The following CLCC1 variants were observed in gnomAD, a reference collection of about 807,000 sequenced individuals.
The protein encoded by CLCC1 is chloride channel CLIC like 1.
In CLCC1, 39 loss-of-function variants were observed where a neutral mutation model predicts 63.3. That is an observed-to-expected ratio of 0.62 (90% CI 0.48 to 0.81). The LOEUF is 0.81. Ranked by LOEUF, CLCC1 falls within the 30% of genes least tolerant of loss-of-function variation. CLCC1 has a pLI of 0.00. For synonymous variants in CLCC1, 217 were observed against 239.8 expected (o/e 0.90, Z 0.88); for missense variants, 549 against 669.4 (o/e 0.82, Z 1.98).
chr1:108,941,412 A>G lies in CLCC1; in HGVS notation c.789T>C (p.Ser263=). The G allele has an allele frequency of 1.2e-6, 2 of 1,613,836 alleles. No individual in the cohort carries two copies. Among genetic ancestry groups the G allele is most frequent in the South Asian group, 1.1e-5 (1 of 91,038 alleles). Residue 263 remains serine (S), a synonymous_variant, in exon 8 of 13, where the codon AGT becomes AGC. Transcript: ENST00000369969. Reference sequence around the variant, plus strand: ...AGTGCACAAACACCTTACCCCAGATACTTCCAGTCCAGTCCATCTTTTTGG... The same window carrying G: ...AGTGCACAAACACCTTACCCCAGATGCTTCCAGTCCAGTCCATCTTTTTGG... ...VCAKKMDWTG[S]IWEWFRSSWT...
intron 7 of CLCC1, 128 bp downstream of exon 7, chr1:108,943,347 C>T: frequency 1.2e-6 from 1 of 862,334 alleles, no homozygotes; most frequent in Non-Finnish European, 1.8e-6. Flanking sequence ...AATTCCTCTC[C>T]AGCGTGGGCC....
At chr1:108,953,306 G>A (rs528550052) in intron 2 of CLCC1, among the ~76,000 whole-genome samples, 2 of 152,136 alleles carry the variant, frequency 1.3e-5, no homozygotes, top group East Asian at 1.9e-4. Flanking sequence ...GCCATTTATC[G>A]GTCTGTCTCT....
chr1:108,930,026 T>A lies in CLCC1; in HGVS notation c.*2521A>T. The A allele has an allele frequency of 8.8e-7, 1 of 1,141,516 alleles. No individual in the cohort carries two copies. Among genetic ancestry groups the A allele is most frequent in the Non-Finnish European group, 1.3e-6 (1 of 776,350 alleles). 70.7% of individuals were successfully genotyped at this position (1,141,516 alleles called of 1,614,324 possible). ...TCCTTAAAAGGAGAATTTATAGCAC[T>A]GTAATACAGCTTAAAATATTTTTAG... On this transcript the variant is annotated 3_prime_UTR_variant, in exon 13 of 13. Transcript: ENST00000369969.
intron 3 of CLCC1, 127 bp from the exon 4 acceptor site, chr1:108,950,048 C>A (rs1260571740): frequency 7.3e-6 from 5 of 687,270 alleles, no homozygotes; most frequent in Non-Finnish European, 4.8e-6. Flanking sequence ...TTAAATTGTA[C>A]TGAACCACAA....
intron 2 of CLCC1, among the ~76,000 whole-genome samples, chr1:108,953,091 C>T (rs940929363): frequency 6.6e-6 from 1 of 152,132 alleles, no homozygotes; most frequent in Non-Finnish European, 1.5e-5. Context: ...TTTTTATCAT[C>T]GAAGAAAGTT....
At position 108,949,923 on chromosome 1, in the gene CLCC1, TA is replaced by T; in HGVS notation, c.130-3del. 6.5e-7 allele frequency: 1 copy of T among 1,542,512 alleles called. No homozygotes were observed. The highest frequency in any genetic ancestry group is 8.9e-7 in the Non-Finnish European group (1 of 1,127,960). On this transcript the variant is annotated splice_polypyrimidine_tract_variant and splice_region_variant and intron_variant, in intron 3 of 12. Coordinates refer to ENST00000369969, the MANE Select transcript of CLCC1 (RefSeq NM_001377458.1). ...TTCCCCTGAAATACCATATTTTGCC[TA>T]AAACAGAGTATAGAAACATTTTATT...
Position 108,930,699 on chromosome 1 carries a change from GC to G in CLCC1, c.*1847del, listed in dbSNP as rs994693701. On this transcript the variant is annotated 3_prime_UTR_variant, in exon 13 of 13. Coordinates refer to ENST00000369969, the MANE Select transcript of CLCC1 (RefSeq NM_001377458.1). The stretch of plus-strand genomic sequence containing the variant: ...AGGTCGGGAGTTTGAGACCAGCCTG[GC>G]CAACATAGTGAAACCCTGTCTCTAC... 3 of 152,000 alleles carry G rather than the reference GC, an allele frequency of 2.0e-5. No individual in the cohort carries two copies. The highest frequency in any genetic ancestry group is 2.9e-5 in the Non-Finnish European group (2 of 68,232). 9.4% of individuals were successfully genotyped at this position (152,000 alleles called of 1,614,324 possible).
intron 1 of CLCC1, among the ~76,000 whole-genome samples, chr1:108,962,809 T>C (rs1656828670): frequency 6.7e-6 from 1 of 149,658 alleles, no homozygotes; most frequent in South Asian, 2.1e-4. Flanking sequence ...AGGCGGAGGT[T>C]GCCGTGAGCG....
chr1:108,931,581 G>T lies in CLCC1; in HGVS notation c.*966C>A. Reference sequence around the variant, plus strand: ...TAGAACTATTTCTCTAATGGCCAATGTTTTTTAAGAGTCATAACCTGGAAT... The same window carrying T: ...TAGAACTATTTCTCTAATGGCCAATTTTTTTTAAGAGTCATAACCTGGAAT... On this transcript the variant is annotated 3_prime_UTR_variant, in exon 13 of 13. Transcript: ENST00000369969. The T allele has an allele frequency of 1.8e-5, 24 of 1,311,616 alleles. No individual in the cohort carries two copies. Among genetic ancestry groups the T allele is most frequent in the Admixed American group, 9.1e-5 (3 of 32,910 alleles). 81.2% of individuals were successfully genotyped at this position (1,311,616 alleles called of 1,614,324 possible).
At chr1:108,939,275 TATAG>T (rs1454936412) in intron 10 of CLCC1, among the ~76,000 whole-genome samples, 11 of 146,082 alleles carry the variant, frequency 7.5e-5, no homozygotes, top group South Asian at 2.1e-4. Flanking sequence ...TATAAATATA[TATAG>T]ATAGATATAT....
Position 108,949,871 on chromosome 1 carries a change from A to G in CLCC1, c.180T>C (p.Cys60=). The part of the protein sequence containing the change: ...GEKDVSPDLS[C]ADEISECYHK... ...GATAACATTCTGATATTTCATCAGCACATGACAAGTCAGGACTGACATCCT... is the reference window on the plus strand; with the variant it reads ...GATAACATTCTGATATTTCATCAGCGCATGACAAGTCAGGACTGACATCCT... The change falls in exon 4 of 13, where the codon TGT becomes TGC. Residue 60 remains cysteine, a synonymous_variant. Transcript: ENST00000369969. The G allele has an allele frequency of 6.2e-7, 1 of 1,602,418 alleles. No homozygotes were observed. The highest frequency in any genetic ancestry group is 1.1e-5 in the South Asian group (1 of 87,074).
rs1226137192 is a variant in CLCC1 at position 108,955,280 on chromosome 1, T to C, written c.-11-4832A>G. ...AAAAACATGTAACTCAAGATAGTGA[T>C]AAATCCTAAGAAGATAAAGCAAGAC... On this transcript the variant is annotated intron_variant, in intron 2 of 12. Coordinates refer to ENST00000369969, the MANE Select transcript of CLCC1 (RefSeq NM_001377458.1). Among the ~76,000 whole-genome samples, 3 of 151,454 alleles carry C rather than the reference T, an allele frequency of 2.0e-5. 1 individual carries two copies. Among genetic ancestry groups the C allele is most frequent in the African/African-American group, 7.4e-5 (3 of 40,720 alleles).
chr1:108,934,529 G>A (rs77705964), intron 12 of CLCC1, 96 bp downstream of exon 12: 12,116 of 921,216 alleles, frequency 0.013, 185 homozygotes, highest in South Asian at 0.052. Flanking sequence ...GTAAAAATGT[G>A]AATGTTGAAG....
chr1:108,958,292 A>G (rs1365827970), intron 2 of CLCC1, among the ~76,000 whole-genome samples: 1 of 151,530 alleles, frequency 6.6e-6, no homozygotes, highest in African/African-American at 2.5e-5. Context: ...GGAAAATTCC[A>G]GAAGTAAACA....
At chr1:108,954,111 A>G (rs1655555554) in intron 2 of CLCC1, among the ~76,000 whole-genome samples, 1 of 151,270 alleles carries the variant, frequency 6.6e-6, no homozygotes, top group South Asian at 2.1e-4. Flanking sequence ...TAAGTGCTCA[A>G]GATGGGAGAG....
At chr1:108,944,252 T>C (rs1451279534) in intron 5 of CLCC1, among the ~76,000 whole-genome samples, 195 bp from the exon 6 acceptor site, 1 of 152,170 alleles carries the variant, frequency 6.6e-6, no homozygotes, top group Non-Finnish European at 1.5e-5. Flanking sequence ...GGAGGATAGC[T>C]TGAAGCCAGG....
intron 4 of CLCC1, among the ~76,000 whole-genome samples, chr1:108,949,470 A>G (rs1303424628): frequency 6.6e-6 from 1 of 152,312 alleles, no homozygotes; most frequent in South Asian, 2.1e-4. Flanking sequence ...ACATTTCTTC[A>G]TTTGCTACAT....
intron 4 of CLCC1, 52 bp from the exon 5 acceptor site, chr1:108,947,770 G>T: frequency 8.0e-7 from 1 of 1,249,926 alleles, no homozygotes; most frequent in African/African-American, 1.5e-5. Flanking sequence ...TATAATATAA[G>T]GGTTAAGTTT....
Position 108,929,610 on chromosome 1 carries a change from C to A in CLCC1, c.*2937G>T. The A allele has an allele frequency of 1.7e-6, 2 of 1,190,884 alleles. No individual in the cohort carries two copies. Among genetic ancestry groups the A allele is most frequent in the Non-Finnish European group, 2.5e-6 (2 of 800,880 alleles). The allele number at this position is 1,190,884 out of a possible 1,614,324, so 73.8% of individuals were successfully genotyped here. ...AGAAGCCCCAAATAAAAGTTTACAA[C>A]TGCGTTTTCTTGTTGTGACTGAGAG... On this transcript the variant is annotated 3_prime_UTR_variant, in exon 13 of 13. Coordinates refer to ENST00000369969, the MANE Select transcript of CLCC1 (RefSeq NM_001377458.1).
Sources: gnomAD v4.1 joint callset for allele counts (sites outside exome capture counted in the v4.1 genomes callset) on GRCh38, gnomAD v4.1.1 for gene constraint, MANE v1.5 for transcripts, NCBI Gene and HGNC (gene_info 2026-07-23, HGNC 2026-07-21) for gene names.